Variants in TMEM132C observed in about 807,000 individuals in gnomAD.
The protein encoded by TMEM132C is protein phosphatase 1, regulatory subunit 152.
A neutral mutation model predicts 61.4 loss-of-function variants in TMEM132C; 29 were observed. That is an observed-to-expected ratio of 0.47 (90% CI 0.35 to 0.64). The LOEUF (loss-of-function observed/expected upper bound fraction) is 0.64, where lower values mean the gene tolerates loss of function less well. Ranked by LOEUF, TMEM132C falls within the 30% of genes least tolerant of loss-of-function variation. TMEM132C has a pLI of 0.00. For synonymous variants in TMEM132C, 656 were observed against 633.1 expected (o/e 1.04, Z -0.54); for missense variants, 1,408 against 1,476.9 (o/e 0.95, Z 0.76).
intron 5 of TMEM132C, among the ~76,000 whole-genome samples, chr12:128,681,116 G>C (rs1436997172): frequency 6.6e-6 from 1 of 152,060 alleles, no homozygotes; most frequent in Non-Finnish European, 1.5e-5. Context: ...GAGTAGCTGG[G>C]ATTACAGGCA....
At chr12:128,464,802 G>GAA (rs1362980152) in intron 2 of TMEM132C, among the ~76,000 whole-genome samples, 84 of 134,314 alleles carry the variant, frequency 6.3e-4, no homozygotes, top group African/African-American at 7.8e-4. Context: ...GAGAGGGAGG[G>GAA]AGGGAGGAAG....
chr12:128,616,263 G>A lies in TMEM132C; in HGVS notation c.1233G>A (p.Gly411=). The change falls in exon 4 of 9, where the codon GGG becomes GGA. Residue 411 remains glycine, a synonymous_variant. Coordinates refer to ENST00000435159, the MANE Select transcript of TMEM132C (RefSeq NM_001136103.3). The part of the protein sequence containing the change: ...ITWQVEYPRK[G]TTDIAVSEIF... ...GGCAGGTGGAGTACCCACGGAAGGGGACCACAGACATCGCCGTGTCCGAGA... is the reference window on the plus strand; with the variant it reads ...GGCAGGTGGAGTACCCACGGAAGGGAACCACAGACATCGCCGTGTCCGAGA... 1 of 1,551,826 alleles carries A rather than the reference G, an allele frequency of 6.4e-7. No individual in the cohort carries two copies. Among genetic ancestry groups the A allele is most frequent in the South Asian group, 1.2e-5 (1 of 84,058 alleles).
chr12:128,458,188 T>C (rs1870409355), intron 2 of TMEM132C, among the ~76,000 whole-genome samples: 1 of 148,322 alleles, frequency 6.7e-6, no homozygotes, highest in South Asian at 2.1e-4. Context: ...ATCTCATATT[T>C]ATATTTTAGT....
chr12:128,613,750 G>C (rs923611137), intron 3 of TMEM132C, among the ~76,000 whole-genome samples: 1 of 152,210 alleles, frequency 6.6e-6, no homozygotes, highest in African/African-American at 2.4e-5. Flanking sequence ...CACTGAGCAG[G>C]ACTGAGGGTG....
At chr12:128,396,278 A>G (rs1020161532) in intron 1 of TMEM132C, among the ~76,000 whole-genome samples, 2 of 152,110 alleles carry the variant, frequency 1.3e-5, no homozygotes, top group Non-Finnish European at 2.9e-5. Flanking sequence ...CTCCTTTCCA[A>G]CTGCTTCCTA....
intron 1 of TMEM132C, among the ~76,000 whole-genome samples, chr12:128,341,161 G>A (rs1479799264): frequency 2.0e-5 from 3 of 151,970 alleles, no homozygotes; most frequent in Admixed American, 6.6e-5. Flanking sequence ...GGCTGGTCTC[G>A]AACTCCTGAC....
intron 2 of TMEM132C, among the ~76,000 whole-genome samples, chr12:128,525,833 T>A (rs2136131291): frequency 6.6e-6 from 1 of 152,296 alleles, no homozygotes; most frequent in Admixed American, 6.5e-5. Context: ...GCTGCTGATG[T>A]CACATGAAGT....
At chr12:128,698,918 A>G (rs1010592370) in intron 8 of TMEM132C, among the ~76,000 whole-genome samples, 5 of 152,216 alleles carry the variant, frequency 3.3e-5, no homozygotes, top group African/African-American at 1.2e-4. Context: ...ACTAGCAGGA[A>G]CACGATAGTG....
chr12:128,383,627 G>T (rs1002371993), intron 1 of TMEM132C, among the ~76,000 whole-genome samples: 9 of 152,144 alleles, frequency 5.9e-5, no homozygotes, highest in Non-Finnish European at 8.8e-5. Flanking sequence ...CGCCCCCAGG[G>T]GGTTTCTATT....
intron 5 of TMEM132C, among the ~76,000 whole-genome samples, chr12:128,678,858 G>T (rs1474467003): frequency 2.0e-5 from 3 of 152,276 alleles, no homozygotes; most frequent in Admixed American, 1.3e-4. Flanking sequence ...GACACCACGG[G>T]GTCTCCAGTC....
intron 4 of TMEM132C, among the ~76,000 whole-genome samples, chr12:128,617,236 TG>T (rs1876835831): frequency 6.6e-6 from 1 of 152,178 alleles, no homozygotes; most frequent in African/African-American, 2.4e-5. Flanking sequence ...GTGCAAATGA[TG>T]TGGTATGGAC....
At chr12:128,628,955 G>T (rs1954042819) in intron 4 of TMEM132C, among the ~76,000 whole-genome samples, 3 of 152,202 alleles carry the variant, frequency 2.0e-5, no homozygotes, top group South Asian at 2.1e-4. Context: ...TTTGAAACAT[G>T]TGAGAGCATT....
intron 2 of TMEM132C, among the ~76,000 whole-genome samples, chr12:128,419,254 A>G (rs191772141): frequency 6.6e-6 from 1 of 152,338 alleles, no homozygotes; most frequent in African/African-American, 2.4e-5. Flanking sequence ...GTCTGCCTTA[A>G]GCTAGATAAC....
Position 128,415,588 on chromosome 12 carries a change from G to T in TMEM132C, c.942G>T (p.Ser314=). 6.5e-7 allele frequency: 1 copy of T among 1,545,914 alleles called. No homozygotes were observed. Among genetic ancestry groups the T allele is most frequent in the South Asian group, 1.2e-5 (1 of 83,286 alleles). Residue 314 remains serine (S), a synonymous_variant, in exon 2 of 9, where the codon TCG becomes TCT. Transcript: ENST00000435159. The surrounding 1 kb of genome is among the most constrained non-coding windows in gnomAD (Gnocchi z 5.8). The stretch of plus-strand genomic sequence containing the variant: ...TGGTCACGGCCTATGTCACCATCTC[G>T]AGCAATTCCTCTGTGGACCTCTTCA... ...GEVVTAYVTI[S]SNSSVDLFIL...
chr12:128,272,811 T>C (rs1289449418), intron 1 of TMEM132C, among the ~76,000 whole-genome samples: 2 of 152,204 alleles, frequency 1.3e-5, no homozygotes, highest in East Asian at 1.9e-4. Flanking sequence ...TATATTGTCT[T>C]TGGTGAAATA....
chr12:128,271,003 C>T (rs113489735), intron 1 of TMEM132C, among the ~76,000 whole-genome samples: 2,274 of 152,112 alleles, frequency 0.015, 61 homozygotes, highest in African/African-American at 0.052. Context: ...ACCTGTAATT[C>T]CAGCACTTTG....
In TMEM132C at chr12:128,542,859, C is replaced by CAAAAAAAAAAAAAAAAAAAAAAA. The variant is rs59362697; in HGVS notation, c.975-1097_975-1075dup. On this transcript the variant is annotated intron_variant, in intron 2 of 8. Coordinates refer to ENST00000435159, the MANE Select transcript of TMEM132C (RefSeq NM_001136103.3). Reference sequence around the variant, plus strand: ...CTAGCGACAGAACAATACTTCGATGCAAAAAAAAAAAAAAAAAAAAAAATG... The same window carrying CAAAAAAAAAAAAAAAAAAAAAAA: ...CTAGCGACAGAACAATACTTCGATGCAAAAAAAAAAAAAAAAAAAAAAAAAAAAAAAAAAAAAAAAAAAAAATG... Among the ~76,000 whole-genome samples the CAAAAAAAAAAAAAAAAAAAAAAA allele has an allele frequency of 2.5e-5, 2 of 81,590 alleles. 1 individual carries two copies. The highest frequency in any genetic ancestry group is 4.6e-5 in the Non-Finnish European group (2 of 43,412). 53.5% of individuals were successfully genotyped at this position (81,590 alleles called of 152,430 possible).
intron 1 of TMEM132C, among the ~76,000 whole-genome samples, chr12:128,319,418 C>T (rs906716147): frequency 1.3e-5 from 2 of 151,504 alleles, no homozygotes; most frequent in Non-Finnish European, 2.9e-5. Context: ...GGGCCAAGTG[C>T]GGTTCACGTG....
At chr12:128,464,950 C>G (rs946968547) in intron 2 of TMEM132C, among the ~76,000 whole-genome samples, 2 of 151,994 alleles carry the variant, frequency 1.3e-5, no homozygotes, top group African/African-American at 4.8e-5. Context: ...TGGAGATGAG[C>G]GAGAGTAGGA....
Sources: allele counts gnomAD v4.1 joint callset (sites outside exome capture counted in the v4.1 genomes callset), GRCh38; gene constraint gnomAD v4.1.1; non-coding constraint Gnocchi (gnomAD v3.1); transcripts MANE v1.5; gene names NCBI Gene and HGNC (gene_info 2026-07-23, HGNC 2026-07-21).